The following E2F8 variants were observed in gnomAD, a reference collection of about 807,000 sequenced individuals.
E2F8 encodes E2F transcription factor 8, also known as transcription factor E2F8.
A neutral mutation model predicts 80.8 loss-of-function variants in E2F8; 35 were observed. That is an observed-to-expected ratio of 0.43 (90% confidence interval 0.33 to 0.57). The LOEUF (loss-of-function observed/expected upper bound fraction) is 0.57. E2F8 is among the 20% of genes least tolerant of loss of function. The pLI is 0.04. For missense variants in E2F8, 975 were observed against 1,056.2 expected, an observed-to-expected ratio of 0.92 and a Z score of 1.07; for synonymous variants, 386 against 395.0, an observed-to-expected ratio of 0.98 and a Z score of 0.27.
At chr11:19,226,475 G>C (rs1322345779) in intron 10 of E2F8, among the ~76,000 whole-genome samples, 1 of 151,662 alleles carries the variant, frequency 6.6e-6, no homozygotes, top group African/African-American at 2.4e-5. Flanking sequence ...TTTTCAGTAG[G>C]CAATTAAGGA....
At chr11:19,231,434 A>T (rs1002787364) in intron 7 of E2F8, among the ~76,000 whole-genome samples, 1 of 152,240 alleles carries the variant, frequency 6.6e-6, no homozygotes, top group Non-Finnish European at 1.5e-5. Flanking sequence ...CCAAGGAGAA[A>T]ACTAATCCTC....
In E2F8 at chr11:19,224,565, T is replaced by C; in HGVS notation, c.*93A>G. The C allele has an allele frequency of 7.5e-7, 1 of 1,329,786 alleles. No individual in the cohort carries two copies. Among genetic ancestry groups the C allele is most frequent in the Non-Finnish European group, 1.0e-6 (1 of 962,714 alleles). The allele number at this position is 1,329,786 out of a possible 1,614,324, so 82.4% of individuals were successfully genotyped here. On this transcript the variant is annotated 3_prime_UTR_variant, in exon 13 of 13. Coordinates refer to ENST00000250024, the MANE Select transcript of E2F8 (RefSeq NM_024680.4). ...GAACAAATCCCCAACGTATTTACAG[T>C]ATTTTCAGAGAATGTGTTCTCCAAA...
chr11:19,226,873 T>C (rs1851250426), intron 10 of E2F8, among the ~76,000 whole-genome samples: 2 of 152,198 alleles, frequency 1.3e-5, no homozygotes, highest in African/African-American at 4.8e-5. Context: ...ATAAGAGAAC[T>C]GATTAATTCA....
chr11:19,237,226 C>T (rs539450119), intron 4 of E2F8, 88 bp downstream of exon 4: 1 of 1,256,780 alleles, frequency 8.0e-7, no homozygotes, highest in Non-Finnish European at 1.1e-6. Context: ...TTTACAAACA[C>T]TGGCTAGATG....
intron 8 of E2F8, 95 bp from the exon 9 acceptor site, chr11:19,230,423 T>A: frequency 7.6e-7 from 1 of 1,315,124 alleles, no homozygotes; most frequent in Non-Finnish European, 1.1e-6. Flanking sequence ...ACAGAAAGTG[T>A]GCACCTCCCC....
Position 19,238,046 on chromosome 11 carries a change from C to A in E2F8, c.102G>T (p.Glu34Asp). 15 of 1,614,202 alleles carry A rather than the reference C, an allele frequency of 9.3e-6. No homozygotes were observed. Among genetic ancestry groups the A allele is most frequent in the Non-Finnish European group, 1.3e-5 (15 of 1,180,026 alleles). Residue 34 changes from glutamate to aspartate, a missense_variant, in exon 3 of 13, where the codon GAG becomes GAT. Glu to Asp is a conservative substitution (Grantham distance 45). Transcript: ENST00000250024. ...ESTTANIVLA[E>D]IQPDFGPLTT... Reference sequence around the variant, plus strand: ...TTAAAGGGCCAAAGTCAGGCTGGATCTCTGCCAACACGATATTTGCTGTGG... The same window carrying A: ...TTAAAGGGCCAAAGTCAGGCTGGATATCTGCCAACACGATATTTGCTGTGG...
At position 19,225,226 on chromosome 11, in the gene E2F8, G is replaced by A; in HGVS notation, c.2416C>T (p.Gln806Ter). 1 of 1,613,138 alleles carries A rather than the reference G, an allele frequency of 6.2e-7. No homozygotes were observed. The highest frequency in any genetic ancestry group is 8.5e-7 in the Non-Finnish European group (1 of 1,179,918). The change falls in exon 12 of 13, where the codon CAA becomes TAA. Residue 806 changes from glutamine to a stop codon, truncating the protein, a stop_gained. Coordinates refer to ENST00000250024, the MANE Select transcript of E2F8 (RefSeq NM_024680.4). LOFTEE classifies it high-confidence loss of function. ...TTAAGTAGAAAGCCTCTCACCTGTT[G>A]TGCCCCTGTCACAGCAACTGATTGT... Reference protein sequence around the residue: ...NGQSVAVTGAQQPVPVTPKGS... With the variant: ...NGQSVAVTGA
intron 6 of E2F8, among the ~76,000 whole-genome samples, chr11:19,232,864 G>A (rs1851417132): frequency 6.6e-6 from 1 of 152,178 alleles, no homozygotes; most frequent in African/African-American, 2.4e-5. Context: ...TACTGTCTAT[G>A]TAACATGCAA....
Position 19,234,941 on chromosome 11 carries a change from AG to A in E2F8, c.568del (p.Gly191AlafsTer3). 6.2e-7 allele frequency: 1 copy of A among 1,614,198 alleles called. No homozygotes were observed. Among genetic ancestry groups the A allele is most frequent in the Non-Finnish European group, 8.5e-7 (1 of 1,180,032 alleles). On this transcript the variant is annotated frameshift_variant, in exon 5 of 13. Transcript: ENST00000250024. LOFTEE classifies it high-confidence loss of function. ...CTCCCCGATGCTCTTCAAGGTGCCA[AG>A]GGTTTTGTTGAGATTGTGTCGCCCG... ...WHGRHNLNKT[L>X]GTLKSIGEEN...
Position 19,234,854 on chromosome 11 carries a change from T to A in E2F8, c.656A>T (p.Asp219Val), listed in dbSNP as rs1043826087. 3.1e-6 allele frequency: 5 copies of A among 1,614,098 alleles called. No homozygotes were observed. The African/African-American group carries it at 5.3e-5, about 17-fold the overall frequency. Residue 219 changes from aspartate (D) to valine (V), a missense_variant, in exon 5 of 13, where the codon GAC becomes GTC. Coordinates refer to ENST00000250024, the MANE Select transcript of E2F8 (RefSeq NM_024680.4). ...CTCTATACTGTAACTCTTAATAAAGTCAAACTCTTGCTCATATTCTTTCTT... is the reference window on the plus strand; with the variant it reads ...CTCTATACTGTAACTCTTAATAAAGACAAACTCTTGCTCATATTCTTTCTT... Reference protein sequence around the residue: ...IKKKEYEQEFDFIKSYSIEDH... With the variant: ...IKKKEYEQEFVFIKSYSIEDH...
At position 19,240,107 on chromosome 11, in the gene E2F8, CT is replaced by C; in HGVS notation, c.14del (p.Lys5ArgfsTer13). 6.6e-7 allele frequency: 1 copy of C among 1,524,318 alleles called. No individual in the cohort carries two copies. The highest frequency in any genetic ancestry group is 2.1e-5 in the Admixed American group (1 of 48,498). 94.4% of individuals were successfully genotyped at this position (1,524,318 alleles called of 1,614,324 possible). A position where few individuals can be genotyped will look rare whatever the true frequency, so the allele number is the denominator to read the frequency against. On this transcript the variant is annotated frameshift_variant and splice_region_variant, in exon 2 of 13. Transcript: ENST00000250024. LOFTEE classifies it high-confidence loss of function. ...GATGAATACTGAAGTTATAAAGTAC[CT>C]TTTCGTTCTCCATTCTGTAAATTCC... MENEKENLFCEPHKR... is the reference protein window; with the variant it reads MENEXENLFCEPHKR...
chr11:19,228,015 G>T (rs1046922929), intron 10 of E2F8, among the ~76,000 whole-genome samples: 1 of 152,192 alleles, frequency 6.6e-6, no homozygotes, highest in Non-Finnish European at 1.5e-5. Flanking sequence ...AGCCTTGGAG[G>T]TCGAGGCTGC....
At chr11:19,236,417 A>G (rs1214092132) in intron 4 of E2F8, among the ~76,000 whole-genome samples, 1 of 152,196 alleles carries the variant, frequency 6.6e-6, no homozygotes, top group Non-Finnish European at 1.5e-5. Context: ...TTTACTCAGT[A>G]TCTATTGCCC....
chr11:19,225,299 C>G lies in E2F8; in HGVS notation c.2343G>C (p.Arg781Ser), dbSNP rs544026725. ...APENAGTQQG[R>S]ATNYDSPVPG... Reference sequence around the variant, plus strand: ...GGACTGGTGAGTCATAGTTGGTGGCCCTTCCTTGCTGAGTGCCTGCATTTT... The same window carrying G: ...GGACTGGTGAGTCATAGTTGGTGGCGCTTCCTTGCTGAGTGCCTGCATTTT... The change falls in exon 12 of 13, where the codon AGG (arginine) becomes AGC (serine). Residue 781 changes from arginine to serine, a missense_variant. Physicochemically the swap from Arg to Ser is moderately radical, Grantham distance 110. Transcript: ENST00000250024. 6.2e-7 allele frequency: 1 copy of G among 1,614,152 alleles called. No individual in the cohort carries two copies. The highest frequency in any genetic ancestry group is 1.7e-5 in the Admixed American group (1 of 60,024).
rs1851355013 is a variant in E2F8 at position 19,230,705 on chromosome 11, T to C, written c.1196A>G (p.Lys399Arg). Residue 399 changes from lysine to arginine, a missense_variant, in exon 8 of 13, where the codon AAA (lysine) becomes AGA (arginine). Transcript: ENST00000250024. ...ATCACTTTCTATACTCTTTACCAAT[T>C]TGATAAGAGATGGGTGTCGAGTAAA... ...PNFTRHPSLI[K>R]LVKSIESDRR... 6.2e-7 allele frequency: 1 copy of C among 1,614,184 alleles called. No homozygotes were observed. The highest frequency in any genetic ancestry group is 2.2e-5 in the East Asian group (1 of 44,874).
Position 19,230,766 on chromosome 11 carries a change from C to T in E2F8, c.1135G>A (p.Ala379Thr). 6.2e-7 allele frequency: 1 copy of T among 1,614,168 alleles called. No individual in the cohort carries two copies. Among genetic ancestry groups the T allele is most frequent in the East Asian group, 2.2e-5 (1 of 44,882 alleles). ...EVRRSSKENC[A>T]KNLFSTRGKP... ...CCACGTGTGGAAAAGAGGTTTTTGG[C>T]ACAGTTCTCTTTTGAAGACCGTCTC... is the stretch of plus-strand genomic sequence containing the variant. The change falls in exon 8 of 13, where the codon GCC becomes ACC. Residue 379 changes from alanine (A) to threonine (T), a missense_variant. By Grantham distance (58) the Ala-to-Thr change is moderately conservative (BLOSUM62 0). Coordinates refer to ENST00000250024, the MANE Select transcript of E2F8 (RefSeq NM_024680.4).
In E2F8 at chr11:19,237,378, A is replaced by G. The variant is rs903269128; in HGVS notation, c.387T>C (p.Tyr129=). 1.9e-6 allele frequency: 3 copies of G among 1,614,200 alleles called. No homozygotes were observed. The highest frequency in any genetic ancestry group is 1.3e-5 in the African/African-American group (1 of 75,068). Residue 129 remains tyrosine, a synonymous_variant, in exon 4 of 13, where the codon TAT becomes TAC. Coordinates refer to ENST00000250024, the MANE Select transcript of E2F8 (RefSeq NM_024680.4). ...GLLCHKFLAR[Y]PNYPNPAVNN... is the part of the protein sequence containing the mutation. ...TCACAGCAGGGTTGGGATAATTAGG[A>G]TATCGTGCTAAGAACTTATGACACA...
Position 19,229,802 on chromosome 11 carries a change from G to C in E2F8, c.1545C>G (p.Ala515=). 1 of 1,613,988 alleles carries C rather than the reference G, an allele frequency of 6.2e-7. No homozygotes were observed. The highest frequency in any genetic ancestry group is 1.7e-5 in the Admixed American group (1 of 60,018). Reference sequence around the variant, plus strand: ...AGATGGCATAGGATGGGCCTGAAGGGGCCTGAGGTAGGATCAGGGGCACTG... The same window carrying C: ...AGATGGCATAGGATGGGCCTGAAGGCGCCTGAGGTAGGATCAGGGGCACTG... ...SSAVPLILPQ[A]PSGPSYAIYL... The change falls in exon 10 of 13, where the codon GCC becomes GCG. Residue 515 remains alanine, a synonymous_variant. Transcript: ENST00000250024. This position sits in a 1 kb window ranked among gnomAD's most constrained non-coding sequence, Gnocchi z 4.3.
At chr11:19,235,628 G>C (rs993004310) in intron 4 of E2F8, among the ~76,000 whole-genome samples, 1 of 150,912 alleles carries the variant, frequency 6.6e-6, no homozygotes, top group African/African-American at 2.4e-5. Context: ...CAGCCTGGGC[G>C]AAAGAGCGAG....
Sources: allele counts gnomAD v4.1 joint callset (sites outside exome capture counted in the v4.1 genomes callset), GRCh38; gene constraint gnomAD v4.1.1; non-coding constraint Gnocchi (gnomAD v3.1); transcripts MANE v1.5; gene names NCBI Gene and HGNC (gene_info 2026-07-23, HGNC 2026-07-21).